PSMD6: variants seen among roughly 807,000 people sequenced by gnomAD.
The protein encoded by PSMD6 is 26S proteasome non-ATPase regulatory subunit 6.
A neutral mutation model predicts 44.9 loss-of-function variants in PSMD6; 7 were observed. That is an observed-to-expected ratio of 0.16 (90% confidence interval 0.09 to 0.29). The LOEUF is 0.29. Among genes scored for constraint, PSMD6 ranks in the 10% least tolerant of loss-of-function variants. The pLI is 1.00. For missense variants in PSMD6, 420 were observed against 482.6 expected (o/e 0.87, Z 1.21); for synonymous variants, 184 against 172.7 (o/e 1.07, Z -0.51).
intron 1 of PSMD6, chr3:64,022,829 ACACATACT>A (rs1302628298): frequency 6.5e-6 from 10 of 1,535,208 alleles, no homozygotes; most frequent in Non-Finnish European, 8.7e-6. Flanking sequence ...CTTTTTATAC[ACACATACT>A]CACATACATA....
At chr3:64,018,327 G>C (rs894007432) in intron 5 of PSMD6, 1 of 251,158 alleles carries the variant, frequency 4.0e-6, no homozygotes, top group African/African-American at 2.3e-5. Flanking sequence ...TTTAGGCTTT[G>C]CAAGCTACAT....
At chr3:64,012,496 G>C (rs758540471) in intron 6 of PSMD6, 14 of 152,158 alleles carry the variant, frequency 9.2e-5, no homozygotes, top group Non-Finnish European at 2.1e-4. Flanking sequence ...ACACTGCATA[G>C]GACCATGTAA....
intron 5 of PSMD6, chr3:64,015,629 A>G (rs1007443594): frequency 1.1e-4 from 16 of 152,220 alleles, no homozygotes; most frequent in African/African-American, 3.6e-4. Context: ...TTACTTGTGA[A>G]GAGAAAAAAA....
At chr3:64,020,535 A>T (rs1288940980) in intron 2 of PSMD6, among the ~76,000 whole-genome samples, 1 of 152,206 alleles carries the variant, frequency 6.6e-6, no homozygotes. Context: ...AGCCACAAAC[A>T]TACAGCTTAA....
At chr3:64,012,757 T>A in intron 6 of PSMD6, 1 of 152,354 alleles carries the variant, frequency 6.6e-6, no homozygotes, top group East Asian at 1.9e-4. Flanking sequence ...GGACTCCATA[T>A]GGCTGACTCC....
rs768528930 is a variant in PSMD6 at position 64,023,457 on chromosome 3, G to C, written c.-38C>G. ...GACAGCGGCTGACAGGACACAACTT[G>C]GTTACGACCGGCTGCGGCAGCGGAA... On this transcript the variant is annotated 5_prime_UTR_variant, in exon 1 of 8. Coordinates refer to ENST00000295901, the MANE Select transcript of PSMD6 (RefSeq NM_014814.3). 4.6e-6 allele frequency: 7 copies of C among 1,527,344 alleles called. No individual in the cohort carries two copies. Among genetic ancestry groups the C allele is most frequent in the Admixed American group, 2.0e-5 (1 of 50,670 alleles). The allele number at this position is 1,527,344 out of a possible 1,614,324, so 94.6% of individuals were successfully genotyped here.
chr3:64,013,939 A>T (rs558137963), intron 5 of PSMD6: 1 of 187,278 alleles, frequency 5.3e-6, no homozygotes, highest in East Asian at 1.3e-4. Context: ...ATAAAGTAAA[A>T]ATCATTTTTT....
chr3:64,011,033 TCTTAAATTTGTAACAAA>T, intron 6 of PSMD6, 78 bp from the exon 7 acceptor site: 1 of 1,196,146 alleles, frequency 8.4e-7, no homozygotes. Flanking sequence ...TAAAATACTG[TCTTAAATTTGTAACAAA>T]CATTTAGCTT....
intron 5 of PSMD6, 27 bp downstream of exon 5, chr3:64,018,572 A>G (rs1430616280): frequency 6.8e-7 from 1 of 1,467,686 alleles, no homozygotes; most frequent in Non-Finnish European, 9.4e-7. Flanking sequence ...GAAGACAGAT[A>G]ATCAAAAATA....
rs779422581 is a variant in PSMD6, at chr3:64,022,541, G to A, written c.146-18C>T. 6.8e-6 allele frequency: 11 copies of A among 1,612,666 alleles called. No homozygotes were observed. In the East Asian group the frequency reaches 8.9e-5, roughly 13 times the overall value. ...AGCCATGTCTAACATGCAAAAAGAG[G>A]GATGTGTGAGTGGGGACACTTGTGC... On this transcript the variant is annotated intron_variant, in intron 1 of 7. Coordinates refer to ENST00000295901, the MANE Select transcript of PSMD6 (RefSeq NM_014814.3).
intron 5 of PSMD6, chr3:64,014,767 A>G (rs1017177001): frequency 1.3e-5 from 2 of 152,258 alleles, no homozygotes; most frequent in African/African-American, 4.8e-5. Context: ...TAAACAGCCA[A>G]GTGAGGACAC....
intron 7 of PSMD6, 46 bp downstream of exon 7, chr3:64,010,832 A>C: frequency 6.4e-7 from 1 of 1,573,520 alleles, no homozygotes; most frequent in Non-Finnish European, 8.7e-7. Context: ...TAGTTGACCT[A>C]CTTTTAAAAT....
chr3:64,014,106 C>A (rs2106849452), intron 5 of PSMD6: 1 of 152,402 alleles, frequency 6.6e-6, no homozygotes, highest in Middle Eastern at 3.4e-3. Flanking sequence ...CGTAAATAGT[C>A]TACGTAAGAA....
At chr3:64,019,501 C>CAGCT in intron 2 of PSMD6, 60 bp from the exon 3 acceptor site, 1 of 1,539,490 alleles carries the variant, frequency 6.5e-7, no homozygotes, top group South Asian at 1.2e-5. Context: ...AAAAAGCTAT[C>CAGCT]AGCTGTCTGG....
intron 1 of PSMD6, chr3:64,022,921 G>T: frequency 6.9e-7 from 1 of 1,458,566 alleles, no homozygotes; most frequent in Non-Finnish European, 9.1e-7. Flanking sequence ...CAGGCAAGCT[G>T]AACTCTCCCA....
At chr3:64,014,891 G>C (rs2076018860) in intron 5 of PSMD6, 1 of 152,336 alleles carries the variant, frequency 6.6e-6, no homozygotes. Context: ...TAAGAAACAA[G>C]GGCAATAACC....
At chr3:64,011,043 G>C (rs2075933539) in intron 6 of PSMD6, 88 bp from the exon 7 acceptor site, 1 of 1,099,344 alleles carries the variant, frequency 9.1e-7, no homozygotes, top group Non-Finnish European at 1.3e-6. Flanking sequence ...TCTTAAATTT[G>C]TAACAAACAT....
rs1213782402 is a variant in PSMD6, at chr3:64,013,744, GTCA to G, written c.827-140_827-138del. 55 of 737,156 alleles carry G rather than the reference GTCA, an allele frequency of 7.5e-5. No individual in the cohort carries two copies. The Middle Eastern group carries it at 1.5e-3, about 20-fold the overall frequency. 45.7% of individuals were successfully genotyped at this position (737,156 alleles called of 1,614,324 possible). On this transcript the variant is annotated intron_variant, in intron 5 of 7. Transcript: ENST00000295901. ...ATTTCTCACTGCCCTTCCACATCAT[GTCA>G]TCAACAATGGCAGCAACAGCAGTGA...
At chr3:64,021,756 A>T (rs556523162) in intron 2 of PSMD6, among the ~76,000 whole-genome samples, 2 of 151,984 alleles carry the variant, frequency 1.3e-5, no homozygotes, top group African/African-American at 2.4e-5. Flanking sequence ...GGTTGCAGTG[A>T]GCCAAGATCA....
Sources: gnomAD v4.1 joint callset for allele counts (sites outside exome capture counted in the v4.1 genomes callset) on GRCh38, gnomAD v4.1.1 for gene constraint, MANE v1.5 for transcripts, NCBI Gene and HGNC (gene_info 2026-07-23, HGNC 2026-07-21) for gene names.